GRIN2B: variants seen among roughly 807,000 people sequenced by gnomAD.
GRIN2B encodes glutamate receptor ionotropic, NMDA 2B.
Under a neutral mutation model 114.5 loss-of-function variants are expected in GRIN2B, and 5 were observed. That is an observed-to-expected ratio of 0.04 (90% confidence interval 0.02 to 0.09). GRIN2B has a LOEUF of 0.09. GRIN2B is among the 10% of genes least tolerant of loss of function. The probability of loss-of-function intolerance (pLI) is 1.00; values close to 1 mark genes in which losing one functional copy is unlikely to be tolerated. For synonymous variants in GRIN2B, 787 were observed against 745.1 expected (o/e 1.06, Z -0.92); for missense variants, 1,108 against 1,943.5 (o/e 0.57, Z 8.08).
At position 13,539,946 on chromosome 12, in the gene GRIN2B, G is replaced by T. The variant is rs185010012; in HGVS notation, c.*22837C>A. 1.3e-3 allele frequency: 197 copies of T among 152,240 alleles called. No individual in the cohort carries two copies. Among genetic ancestry groups the T allele is most frequent in the African/African-American group, 4.6e-3 (190 of 41,544 alleles). 9.4% of individuals were successfully genotyped at this position (152,240 alleles called of 1,614,324 possible). ...ACAATGGTATTGTTAAACTAAAAAA[G>T]AGTCCTTAGTAAAAGAGATATATAC... is the stretch of plus-strand genomic sequence containing the variant. On this transcript the variant is annotated 3_prime_UTR_variant, in exon 14 of 14. Coordinates refer to ENST00000609686, the MANE Select transcript of GRIN2B (RefSeq NM_000834.5).
chr12:13,697,131 A>T (rs934693747), intron 4 of GRIN2B, among the ~76,000 whole-genome samples: 2 of 152,142 alleles, frequency 1.3e-5, no homozygotes, highest in African/African-American at 4.8e-5. Context: ...AAATGCAATG[A>T]AGACAAATCA....
chr12:13,607,280 AAT>A lies in GRIN2B; in HGVS notation c.2010+1321_2010+1322del, dbSNP rs1491541257. Among the ~76,000 whole-genome samples, 138 of 15,016 alleles carry A rather than the reference AAT, an allele frequency of 9.2e-3. 6 individuals are homozygous for A. Among genetic ancestry groups the A allele is most frequent in the African/African-American group, 0.024 (125 of 5,280 alleles). 9.9% of individuals were successfully genotyped at this position (15,016 alleles called of 152,430 possible). The stretch of plus-strand genomic sequence containing the variant: ...ATTATATATAATATATAAAATATAT[AAT>A]ATATATTATATAAAAATATATATTA... On this transcript the variant is annotated intron_variant, in intron 10 of 13. Transcript: ENST00000609686.
At chr12:13,849,112 C>T (rs928272346) in intron 3 of GRIN2B, among the ~76,000 whole-genome samples, 1 of 152,136 alleles carries the variant, frequency 6.6e-6, no homozygotes, top group Non-Finnish European at 1.5e-5. Context: ...AGGGCATTCA[C>T]GTCTGTATCA....
intron 3 of GRIN2B, among the ~76,000 whole-genome samples, chr12:13,836,299 G>A (rs201816023): frequency 6.6e-6 from 1 of 152,184 alleles, no homozygotes; most frequent in East Asian, 1.9e-4. Context: ...TGAGGGCTGA[G>A]CACAGCAATT....
intron 3 of GRIN2B, among the ~76,000 whole-genome samples, chr12:13,821,134 C>A (rs1864927390): frequency 6.6e-6 from 1 of 151,996 alleles, no homozygotes; most frequent in Non-Finnish European, 1.5e-5. Context: ...TTCTTGAATG[C>A]TTTCCTACTA....
rs1948389684 is a variant in GRIN2B at position 13,549,956 on chromosome 12, A to C, written c.*12827T>G. ...ACTTTTCTCCACTGCTAGATGCTGA[A>C]AACCTACAGTGGGGGCAGACAATTC... On this transcript the variant is annotated 3_prime_UTR_variant, in exon 14 of 14. Transcript: ENST00000609686. The C allele has an allele frequency of 6.6e-6, 1 of 152,188 alleles. No individual in the cohort carries two copies. Among genetic ancestry groups the C allele is most frequent in the African/African-American group, 2.4e-5 (1 of 41,452 alleles). 9.4% of individuals were successfully genotyped at this position (152,188 alleles called of 1,614,324 possible).
At chr12:13,698,401 G>T (rs532743650) in intron 4 of GRIN2B, among the ~76,000 whole-genome samples, 40 of 152,286 alleles carry the variant, frequency 2.6e-4, no homozygotes, top group African/African-American at 9.6e-4. Flanking sequence ...AGTTGAAGTT[G>T]CTTTGATAGT....
chr12:13,753,980 A>T lies in GRIN2B; in HGVS notation c.412-65T>A. 1 of 1,001,230 alleles carries T rather than the reference A, an allele frequency of 1.0e-6. No individual in the cohort carries two copies. Among genetic ancestry groups the T allele is most frequent in the Non-Finnish European group, 1.6e-6 (1 of 631,516 alleles). 62.0% of individuals were successfully genotyped at this position (1,001,230 alleles called of 1,614,324 possible). ...AATCAAACCAAAGATGGTAATGGAGATTTTGAACCAAGTGGGTACAAAGAT... is the reference window on the plus strand; with the variant it reads ...AATCAAACCAAAGATGGTAATGGAGTTTTTGAACCAAGTGGGTACAAAGAT... On this transcript the variant is annotated intron_variant, in intron 3 of 13. Transcript: ENST00000609686. The surrounding 1 kb of genome is among the most constrained non-coding windows in gnomAD (Gnocchi z 6.2).
intron 2 of GRIN2B, among the ~76,000 whole-genome samples, chr12:13,869,109 T>G (rs1865867656): frequency 1.3e-5 from 2 of 152,210 alleles, no homozygotes; most frequent in African/African-American, 4.8e-5. Flanking sequence ...CATAAACTTT[T>G]ATTACCAATA....
intron 3 of GRIN2B, among the ~76,000 whole-genome samples, chr12:13,858,536 T>A (rs950621599): frequency 1.4e-5 from 2 of 146,752 alleles, no homozygotes; most frequent in Admixed American, 1.3e-4. Context: ...ATTCAGGGAG[T>A]TTTTTTCAGC....
chr12:13,879,229 A>T (rs1866034716), intron 2 of GRIN2B, among the ~76,000 whole-genome samples: 1 of 152,160 alleles, frequency 6.6e-6, no homozygotes, highest in Non-Finnish European at 1.5e-5. Flanking sequence ...TTGCACACCT[A>T]GGCCATATGG....
intron 4 of GRIN2B, among the ~76,000 whole-genome samples, chr12:13,725,520 A>C (rs1365461126): frequency 6.6e-6 from 1 of 152,052 alleles, no homozygotes; most frequent in East Asian, 1.9e-4. Flanking sequence ...AGCAGCTAGG[A>C]GTTACAGGTT....
chr12:13,599,055 A>G (rs1348711986), intron 10 of GRIN2B, among the ~76,000 whole-genome samples: 1 of 152,180 alleles, frequency 6.6e-6, no homozygotes, highest in African/African-American at 2.4e-5. Flanking sequence ...TGTTGGCCTG[A>G]AGCCAATGCT....
chr12:13,776,592 C>A (rs1054180365), intron 3 of GRIN2B, among the ~76,000 whole-genome samples: 1 of 152,076 alleles, frequency 6.6e-6, no homozygotes, highest in Non-Finnish European at 1.5e-5. Context: ...CACGACAGCA[C>A]ACATGTGCTA....
intron 3 of GRIN2B, among the ~76,000 whole-genome samples, chr12:13,809,667 T>C (rs1405706269): frequency 6.6e-6 from 1 of 152,036 alleles, no homozygotes; most frequent in Non-Finnish European, 1.5e-5. Flanking sequence ...AAGAAAGAAA[T>C]CAGCAACACC....
intron 4 of GRIN2B, among the ~76,000 whole-genome samples, chr12:13,732,412 C>A (rs1355507319): frequency 7.2e-5 from 11 of 152,122 alleles, no homozygotes; most frequent in Non-Finnish European, 2.9e-5. Flanking sequence ...TTTGTTCATG[C>A]TATTATTCCC....
Position 13,714,592 on chromosome 12 carries a change from T to C in GRIN2B, c.1010+38725A>G, listed in dbSNP as rs12227473. ...TTTGTGGGTTCAGAACTCTGATAAA[T>C]TATATTGATGCTGCCTCTTAATCTT... On this transcript the variant is annotated intron_variant, in intron 4 of 13. Coordinates refer to ENST00000609686, the MANE Select transcript of GRIN2B (RefSeq NM_000834.5). Among the ~76,000 whole-genome samples the C allele has an allele frequency of 1.1e-4, 17 of 151,938 alleles. No homozygotes were observed. In the East Asian group the frequency reaches 2.9e-3, roughly 26 times the overall value.
intron 5 of GRIN2B, among the ~76,000 whole-genome samples, chr12:13,649,117 A>T (rs1949790934): frequency 6.6e-6 from 1 of 152,010 alleles, no homozygotes; most frequent in African/African-American, 2.4e-5. Flanking sequence ...TTTGGAGGGA[A>T]TATTACTGAT....
At chr12:13,903,942 C>G (rs1447460103) in intron 2 of GRIN2B, among the ~76,000 whole-genome samples, 2 of 151,806 alleles carry the variant, frequency 1.3e-5, no homozygotes, top group Non-Finnish European at 1.5e-5. Context: ...TTCAAGTGAC[C>G]AATCTGTCTG....
Sources: allele counts gnomAD v4.1 joint callset (sites outside exome capture counted in the v4.1 genomes callset), GRCh38; gene constraint gnomAD v4.1.1; non-coding constraint Gnocchi (gnomAD v3.1); transcripts MANE v1.5; gene names NCBI Gene and HGNC (gene_info 2026-07-23, HGNC 2026-07-21).